The following PKIB variants were observed in gnomAD, a reference collection of about 807,000 sequenced individuals.
PKIB encodes PKI-beta.
A neutral mutation model predicts 4.5 loss-of-function variants in PKIB; 2 were observed. The observed-to-expected ratio is 0.44, with a 90% CI of 0.18 to 1.39. The LOEUF (loss-of-function observed/expected upper bound fraction) is 1.39. PKIB is among the 40% of genes most tolerant of loss of function. The pLI, the probability that PKIB is intolerant of heterozygous loss-of-function variation, is 0.27. For missense variants in PKIB, 94 were observed against 92.6 expected (o/e 1.02, Z -0.06); for synonymous variants, 38 against 36.0 (o/e 1.06, Z -0.20).
chr6:122,639,775 G>A (rs181868349), intron 2 of PKIB, among the ~76,000 whole-genome samples: 82 of 152,250 alleles, frequency 5.4e-4, no homozygotes, highest in African/African-American at 1.9e-3. Context: ...CTTAATCAAG[G>A]GAAAGGCTTC....
intron 3 of PKIB, among the ~76,000 whole-genome samples, chr6:122,684,238 A>G (rs1432234328): frequency 6.6e-6 from 1 of 152,198 alleles, no homozygotes; most frequent in Non-Finnish European, 1.5e-5. Flanking sequence ...TCAGTAAACC[A>G]AAATGAGTAA....
At chr6:122,663,098 A>G (rs6569264) in intron 2 of PKIB, among the ~76,000 whole-genome samples, 90,950 of 152,006 alleles carry the variant, frequency 0.6, 28,864 homozygotes, top group Non-Finnish European at 0.71. Context: ...GGCATGGGTA[A>G]TTGTGGTGAT....
At chr6:122,634,284 C>T (rs1433203349) in intron 2 of PKIB, among the ~76,000 whole-genome samples, 1 of 151,988 alleles carries the variant, frequency 6.6e-6, no homozygotes, top group Non-Finnish European at 1.5e-5. Context: ...GTGCAGCAAA[C>T]CACCATGGCA....
chr6:122,559,001 T>C (rs1772935559), intron 2 of PKIB, among the ~76,000 whole-genome samples: 1 of 152,218 alleles, frequency 6.6e-6, no homozygotes, highest in Non-Finnish European at 1.5e-5. Context: ...ACATATGATG[T>C]TTATTTTTCC....
intron 2 of PKIB, among the ~76,000 whole-genome samples, chr6:122,558,046 T>A (rs1250044660): frequency 6.6e-6 from 1 of 152,138 alleles, no homozygotes; most frequent in African/African-American, 2.4e-5. Flanking sequence ...AATTAGGAAG[T>A]CCTATTTGTT....
intron 2 of PKIB, among the ~76,000 whole-genome samples, chr6:122,530,959 G>A (rs1016409779): frequency 3.3e-5 from 5 of 152,146 alleles, no homozygotes; most frequent in Admixed American, 6.5e-5. Flanking sequence ...CTTAAGTGAT[G>A]TATCTACTCA....
intron 2 of PKIB, among the ~76,000 whole-genome samples, chr6:122,560,962 A>G (rs1266304643): frequency 1.3e-5 from 2 of 151,814 alleles, no homozygotes; most frequent in Non-Finnish European, 2.9e-5. Context: ...CTAATGGTCT[A>G]TCAATTTTAT....
At chr6:122,582,280 G>A (rs951080134) in intron 2 of PKIB, among the ~76,000 whole-genome samples, 5 of 151,844 alleles carry the variant, frequency 3.3e-5, no homozygotes, top group African/African-American at 7.3e-5. Context: ...ATACCACTGT[G>A]GACTTCCCTT....
chr6:122,629,898 C>T (rs1350227170), intron 1 of PKIB, among the ~76,000 whole-genome samples: 2 of 152,092 alleles, frequency 1.3e-5, no homozygotes, highest in Non-Finnish European at 2.9e-5. Flanking sequence ...AATGCGGTAT[C>T]CTAAATGACA....
chr6:122,721,737 A>G (rs1779753300), intron 4 of PKIB, among the ~76,000 whole-genome samples: 2 of 152,084 alleles, frequency 1.3e-5, no homozygotes, highest in African/African-American at 2.4e-5. Context: ...TTAAAGTGGT[A>G]TGTTACCTAA....
At chr6:122,499,861 A>C (rs1407168100) in intron 2 of PKIB, among the ~76,000 whole-genome samples, 2 of 152,180 alleles carry the variant, frequency 1.3e-5, no homozygotes, top group Non-Finnish European at 2.9e-5. Flanking sequence ...GACTTCAGTA[A>C]AGTTTCAGGA....
chr6:122,511,440 C>T (rs1776580822), intron 2 of PKIB, among the ~76,000 whole-genome samples: 1 of 152,192 alleles, frequency 6.6e-6, no homozygotes, highest in Non-Finnish European at 1.5e-5. Context: ...ACCTGCAGAG[C>T]TTAAAACTTT....
rs190436949 is a variant in PKIB, at chr6:122,563,689, C to G, written c.-247-22232C>G. The stretch of plus-strand genomic sequence containing the variant: ...TTCCCAGGTCACTGGAGTTGTGTAC[C>G]TAGGAAGATTATGCCTGCCTCTGCT... On this transcript the variant is annotated intron_variant, in intron 2 of 6. Coordinates refer to the PKIB transcript ENST00000392491. 2.6e-3 allele frequency among the ~76,000 whole-genome samples: 402 copies of G among 152,132 alleles called. 1 individual carries two copies. Among genetic ancestry groups the G allele is most frequent in the Non-Finnish European group, 4.6e-3 (310 of 67,992 alleles).
chr6:122,648,050 A>C (rs1776396999), intron 2 of PKIB, among the ~76,000 whole-genome samples: 1 of 152,222 alleles, frequency 6.6e-6, no homozygotes, highest in Admixed American at 6.5e-5. Flanking sequence ...GGTATAGCCC[A>C]ATTTCCCCTT....
intron 2 of PKIB, among the ~76,000 whole-genome samples, chr6:122,650,705 G>A (rs1776518949): frequency 6.6e-6 from 1 of 152,164 alleles, no homozygotes. Flanking sequence ...TGACCACAGA[G>A]CTCTTTAAGG....
intron 3 of PKIB, among the ~76,000 whole-genome samples, chr6:122,712,752 T>C (rs942625285): frequency 1.3e-5 from 2 of 152,286 alleles, no homozygotes; most frequent in East Asian, 3.9e-4. Context: ...GTGAGTGATA[T>C]GTATCTGGAG....
chr6:122,706,486 A>G (rs1483663432), intron 3 of PKIB, among the ~76,000 whole-genome samples: 2 of 152,190 alleles, frequency 1.3e-5, no homozygotes, highest in African/African-American at 4.8e-5. Context: ...GATGCTTAAC[A>G]ATAATTGATT....
At chr6:122,703,448 T>C (rs1044993119) in intron 3 of PKIB, among the ~76,000 whole-genome samples, 1 of 152,158 alleles carries the variant, frequency 6.6e-6, no homozygotes, top group Non-Finnish European at 1.5e-5. Context: ...CTACTGTTTT[T>C]ATTTCAATTA....
chr6:122,505,257 G>A (rs1226607946), intron 2 of PKIB, among the ~76,000 whole-genome samples: 1 of 152,174 alleles, frequency 6.6e-6, no homozygotes, highest in Non-Finnish European at 1.5e-5. Context: ...TAAGAGAGCA[G>A]ATCTCGCTCT....
Sources: allele counts gnomAD v4.1 joint callset (sites outside exome capture counted in the v4.1 genomes callset), GRCh38; gene constraint gnomAD v4.1.1; transcripts MANE v1.5; gene names NCBI Gene and HGNC (gene_info 2026-07-23, HGNC 2026-07-21).